The following MED12L variants were observed in gnomAD, a reference collection of about 807,000 sequenced individuals.
MED12L encodes mediator complex subunit 12L.
In MED12L, 60 loss-of-function variants were observed where a neutral mutation model predicts 281.3. That is an observed-to-expected ratio of 0.21 (90% confidence interval 0.17 to 0.26). The LOEUF (loss-of-function observed/expected upper bound fraction) is 0.26, where lower values mean the gene tolerates loss of function less well. Among genes scored for constraint, MED12L ranks in the 10% least tolerant of loss-of-function variants. The pLI is 1.00. For missense variants in MED12L, 2,146 were observed against 2,680.9 expected (o/e 0.80, Z 4.41); for synonymous variants, 974 against 987.2 (o/e 0.99, Z 0.25).
At chr3:151,235,876 C>A (rs1338275176) in intron 16 of MED12L, among the ~76,000 whole-genome samples, 1 of 152,080 alleles carries the variant, frequency 6.6e-6, no homozygotes, top group African/African-American at 2.4e-5. Context: ...CTAACATAGC[C>A]ATTCCCCCTA....
intron 16 of MED12L, among the ~76,000 whole-genome samples, chr3:151,254,977 C>T (rs562236096): frequency 6.6e-6 from 1 of 151,986 alleles, no homozygotes; most frequent in Non-Finnish European, 1.5e-5. Flanking sequence ...CCTTGCTGCT[C>T]TTTTTTTTGT....
In MED12L at chr3:151,288,080, C is replaced by T. The variant is rs77011550; in HGVS notation, c.2251-61979C>T. 3.3e-3 allele frequency among the ~76,000 whole-genome samples: 504 copies of T among 152,330 alleles called. 14 individuals are homozygous for T. The East Asian group carries it at 0.065, about 20-fold the overall frequency. ...TTGGTCATATTCTTCTATCTTTCCA[C>T]AAATGGCTCAGGAATCCAATCAGGG... On this transcript the variant is annotated intron_variant, in intron 16 of 44. Coordinates refer to ENST00000687756, the MANE Select transcript of MED12L (RefSeq NM_001393769.1).
chr3:151,201,923 C>A (rs995862914), intron 16 of MED12L, among the ~76,000 whole-genome samples: 2 of 152,122 alleles, frequency 1.3e-5, no homozygotes, highest in Non-Finnish European at 2.9e-5. Flanking sequence ...CCATTGCTTG[C>A]ACAACTATAA....
intron 16 of MED12L, among the ~76,000 whole-genome samples, chr3:151,259,179 T>C (rs753269054): frequency 6.6e-6 from 1 of 152,224 alleles, no homozygotes; most frequent in Non-Finnish European, 1.5e-5. Flanking sequence ...TTGTGTTTGA[T>C]TAGTTATCCT....
At chr3:151,320,453 T>C (rs1267636556) in intron 16 of MED12L, among the ~76,000 whole-genome samples, 2 of 152,232 alleles carry the variant, frequency 1.3e-5, no homozygotes, top group East Asian at 3.8e-4. Context: ...CACAAGTCTT[T>C]CTAATTGTGG....
chr3:151,165,603 A>C, intron 10 of MED12L, 84 bp downstream of exon 10: 7 of 1,214,240 alleles, frequency 5.8e-6, no homozygotes, highest in Non-Finnish European at 8.4e-6. Flanking sequence ...ATTCCACATG[A>C]ATAAGGCAGC....
intron 16 of MED12L, among the ~76,000 whole-genome samples, chr3:151,301,680 A>C (rs1446244683): frequency 6.6e-6 from 1 of 152,254 alleles, no homozygotes; most frequent in East Asian, 1.9e-4. Context: ...AGGGAAATTC[A>C]AATGAGAACC....
intron 5 of MED12L, among the ~76,000 whole-genome samples, chr3:151,145,100 G>T (rs1017301536): frequency 6.6e-6 from 1 of 152,112 alleles, no homozygotes; most frequent in African/African-American, 2.4e-5. Context: ...ACACTTACTA[G>T]CCCTGTTTTA....
At chr3:151,287,162 G>A (rs147214520) in intron 16 of MED12L, among the ~76,000 whole-genome samples, 2 of 152,198 alleles carry the variant, frequency 1.3e-5, no homozygotes, top group African/African-American at 4.8e-5. Context: ...TTCTAGAAAA[G>A]AGTATGCAAA....
chr3:151,195,393 A>G (rs1724519032), intron 16 of MED12L, among the ~76,000 whole-genome samples: 1 of 151,998 alleles, frequency 6.6e-6, no homozygotes, highest in Non-Finnish European at 1.5e-5. Flanking sequence ...CCATTTCAAA[A>G]CTTGTCAAAT....
Position 151,383,780 on chromosome 3 carries a change from T to C in MED12L, c.4682T>C (p.Val1561Ala), listed in dbSNP as rs773825105. Residue 1561 changes from valine to alanine, a missense_variant and splice_region_variant, in exon 34 of 45, where the codon GTA (valine) becomes GCA (alanine). Physicochemically the swap from Val to Ala is moderately conservative, Grantham distance 64. Around this residue, in one of 9 missense-constraint regions of MED12L, gnomAD observed 212 missense variants for 340.8 expected, o/e 0.62. Transcript: ENST00000687756. ...HEALQLRLNL[V>A]GGMFDTVQRS... is the part of the protein sequence containing the mutation. ...ATCTTACTGTATTTTGTCTGCTAGG[T>C]AGGAGGAATGTTTGACACGGTGCAG... 1 of 1,606,692 alleles carries C rather than the reference T, an allele frequency of 6.2e-7. No homozygotes were observed. Among genetic ancestry groups the C allele is most frequent in the South Asian group, 1.1e-5 (1 of 90,322 alleles).
chr3:151,350,821 T>C (rs983123351), intron 17 of MED12L, among the ~76,000 whole-genome samples: 1 of 152,246 alleles, frequency 6.6e-6, no homozygotes, highest in African/African-American at 2.4e-5. Flanking sequence ...TGACATAGTT[T>C]TTACAGTGAA....
Position 151,378,178 on chromosome 3 carries a change from G to T in MED12L, c.4478+5G>T. The T allele has an allele frequency of 6.3e-7, 1 of 1,596,438 alleles. No homozygotes were observed. The highest frequency in any genetic ancestry group is 2.3e-5 in the East Asian group (1 of 44,192). On this transcript the variant is annotated splice_donor_5th_base_variant and intron_variant, in intron 31 of 44. Coordinates refer to ENST00000687756, the MANE Select transcript of MED12L (RefSeq NM_001393769.1). ...GGACAGACAGAAACAGAAAAGGTGT[G>T]GCTGGAAGATGGGCGTCTGTGTGAG... is the stretch of plus-strand genomic sequence containing the variant.
At chr3:151,164,481 C>G (rs1381012286) in intron 9 of MED12L, among the ~76,000 whole-genome samples, 2 of 152,128 alleles carry the variant, frequency 1.3e-5, no homozygotes, top group African/African-American at 4.8e-5. Context: ...CCATTTGACC[C>G]AGCCATCCCA....
At chr3:151,427,873 C>T (rs1719047095) in intron 43 of MED12L, among the ~76,000 whole-genome samples, 1 of 152,124 alleles carries the variant, frequency 6.6e-6, no homozygotes, top group Non-Finnish European at 1.5e-5. Context: ...GTGTTCACCA[C>T]AGTGAAATAA....
chr3:151,221,420 A>C (rs1342649858), intron 16 of MED12L, among the ~76,000 whole-genome samples: 4 of 152,220 alleles, frequency 2.6e-5, no homozygotes, highest in African/African-American at 4.8e-5. Context: ...GGGCATGTCA[A>C]AGGTCTTTAC....
At chr3:151,426,403 A>G (rs975697685) in intron 43 of MED12L, among the ~76,000 whole-genome samples, 3 of 152,214 alleles carry the variant, frequency 2.0e-5, no homozygotes, top group African/African-American at 7.2e-5. Context: ...TGTTGGAGGC[A>G]GCCCTCATCC....
intron 16 of MED12L, among the ~76,000 whole-genome samples, chr3:151,330,810 T>C (rs746636289): frequency 6.6e-6 from 1 of 152,204 alleles, no homozygotes; most frequent in Non-Finnish European, 1.5e-5. Context: ...CTTGGGAGTA[T>C]AGATTCAAGA....
At chr3:151,263,563 GTTAAT>G (rs1446563241) in intron 16 of MED12L, among the ~76,000 whole-genome samples, 3 of 152,052 alleles carry the variant, frequency 2.0e-5, no homozygotes, top group South Asian at 2.1e-4. Flanking sequence ...GTGTTTTATC[GTTAAT>G]TTAATTTTCC....
Sources: allele counts gnomAD v4.1 joint callset (sites outside exome capture counted in the v4.1 genomes callset), GRCh38; gene constraint gnomAD v4.1.1; regional missense constraint gnomAD v4.1.1; transcripts MANE v1.5; gene names NCBI Gene and HGNC (gene_info 2026-07-23, HGNC 2026-07-21).